The following FAM120A variants were observed in gnomAD, a reference collection of about 807,000 sequenced individuals.
The protein encoded by FAM120A is constitutive coactivator of PPAR-gamma-like protein 1.
Under a neutral mutation model 109.7 loss-of-function variants are expected in FAM120A, and 15 were observed. The ratio of observed to expected loss-of-function variants is 0.14; its 90% CI spans 0.09 to 0.21. The LOEUF (loss-of-function observed/expected upper bound fraction) is 0.21, where lower values mean the gene tolerates loss of function less well. FAM120A is among the 10% of genes least tolerant of loss of function. The pLI, the probability that FAM120A is intolerant of heterozygous loss-of-function variation, is 1.00. For synonymous variants in FAM120A, 493 were observed against 572.8 expected (o/e 0.86, Z 1.99); for missense variants, 899 against 1,439.3 (o/e 0.62, Z 6.07).
intron 10 of FAM120A, among the ~76,000 whole-genome samples, chr9:93,537,933 G>A (rs1463000526): frequency 6.6e-6 from 1 of 152,096 alleles, no homozygotes; most frequent in Non-Finnish European, 1.5e-5. Context: ...AGAACTTTGA[G>A]TAGACCTAGC....
At chr9:93,471,852 A>G (rs771966398) in intron 2 of FAM120A, among the ~76,000 whole-genome samples, 1 of 152,250 alleles carries the variant, frequency 6.6e-6, no homozygotes, top group Non-Finnish European at 1.5e-5. Context: ...CTTGTTTCCA[A>G]CACCTACATT....
At chr9:93,528,118 G>A (rs1382853093) in intron 8 of FAM120A, among the ~76,000 whole-genome samples, 1 of 152,094 alleles carries the variant, frequency 6.6e-6, no homozygotes, top group African/African-American at 2.4e-5. Flanking sequence ...TTAAATGATT[G>A]TTCTGCAAAT....
At chr9:93,506,707 C>T (rs1860076251) in intron 5 of FAM120A, among the ~76,000 whole-genome samples, 1 of 152,060 alleles carries the variant, frequency 6.6e-6, no homozygotes, top group South Asian at 2.1e-4. Context: ...AAGCAATTCT[C>T]CTGCCTCAGC....
At chr9:93,548,260 C>G (rs1405125359) in intron 11 of FAM120A, among the ~76,000 whole-genome samples, 1 of 152,094 alleles carries the variant, frequency 6.6e-6, no homozygotes, top group Admixed American at 6.5e-5. Flanking sequence ...CCCGCCACCA[C>G]GCCCGGCTAA....
At chr9:93,497,012 A>G (rs1321665562) in intron 3 of FAM120A, among the ~76,000 whole-genome samples, 1 of 152,162 alleles carries the variant, frequency 6.6e-6, no homozygotes, top group African/African-American at 2.4e-5. Context: ...TTACAGTTTC[A>G]GGGAGTCCTG....
intron 1 of FAM120A, among the ~76,000 whole-genome samples, chr9:93,466,816 A>G (rs1337332201): frequency 6.6e-6 from 1 of 151,996 alleles, no homozygotes; most frequent in Non-Finnish European, 1.5e-5. Flanking sequence ...CTTTTGCATG[A>G]TTATTTGTAG....
intron 7 of FAM120A, among the ~76,000 whole-genome samples, chr9:93,519,132 G>A (rs148138651): frequency 6.6e-6 from 1 of 152,200 alleles, no homozygotes; most frequent in East Asian, 1.9e-4. Context: ...ATTTGCCCTC[G>A]GGACAGTGGG....
chr9:93,551,498 C>T (rs1283289236), intron 12 of FAM120A, among the ~76,000 whole-genome samples: 1 of 151,982 alleles, frequency 6.6e-6, no homozygotes, highest in Admixed American at 6.5e-5. Context: ...TCTTTGCCAT[C>T]AGTTCTTGTT....
rs1172980897 is a variant in FAM120A at position 93,452,588 on chromosome 9, C to T, written c.474+199C>T. 46 of 1,597,770 alleles carry T rather than the reference C, an allele frequency of 2.9e-5. No individual in the cohort carries two copies. The highest frequency in any genetic ancestry group is 3.6e-5 in the Non-Finnish European group (43 of 1,179,182). On this transcript the variant is annotated intron_variant, in intron 1 of 17. Transcript: ENST00000277165. This position sits in a 1 kb window ranked among gnomAD's most constrained non-coding sequence, Gnocchi z 7.0. The stretch of plus-strand genomic sequence containing the variant: ...CAGGCCGCGCGCTGCCCAAGCCCGT[C>T]TCCAGCTGTCCCTGTTCGGGGTCCG...
At chr9:93,487,551 T>G (rs1859117226) in intron 3 of FAM120A, among the ~76,000 whole-genome samples, 1 of 152,208 alleles carries the variant, frequency 6.6e-6, no homozygotes, top group Admixed American at 6.5e-5. Context: ...TGCAATAAGT[T>G]TGCGTCCCAA....
intron 12 of FAM120A, among the ~76,000 whole-genome samples, chr9:93,551,685 A>G (rs1239607260): frequency 6.6e-6 from 1 of 152,154 alleles, no homozygotes; most frequent in Non-Finnish European, 1.5e-5. Context: ...TGCTTAATAA[A>G]TTTCTAGTTT....
At chr9:93,524,119 T>C (rs2131443559) in intron 7 of FAM120A, among the ~76,000 whole-genome samples, 1 of 152,376 alleles carries the variant, frequency 6.6e-6, no homozygotes, top group South Asian at 2.1e-4. Flanking sequence ...GGGGAGCAGA[T>C]AGAAATGAAA....
chr9:93,474,184 G>A (rs1318402358), intron 2 of FAM120A, among the ~76,000 whole-genome samples: 1 of 152,122 alleles, frequency 6.6e-6, no homozygotes, highest in Non-Finnish European at 1.5e-5. Flanking sequence ...TTTTGTTGTT[G>A]TTGTTGTTGT....
intron 1 of FAM120A, among the ~76,000 whole-genome samples, chr9:93,457,192 C>A (rs1445974629): frequency 6.6e-6 from 1 of 152,150 alleles, no homozygotes; most frequent in Non-Finnish European, 1.5e-5. Flanking sequence ...ATGAATAATG[C>A]TTCTATGAGC....
Position 93,534,857 on chromosome 9 carries a change from G to C in FAM120A, c.1909+2528G>C, listed in dbSNP as rs909235880. 2.6e-5 allele frequency among the ~76,000 whole-genome samples: 4 copies of C among 152,206 alleles called. No homozygotes were observed. In the East Asian group the frequency reaches 7.7e-4, roughly 29 times the overall value. On this transcript the variant is annotated intron_variant, in intron 10 of 17. Coordinates refer to ENST00000277165, the MANE Select transcript of FAM120A (RefSeq NM_014612.5). ...TTGTTGGTGAAGGCAGGAAGGATTG[G>C]GGGTAAGGATACCTCAGATTTGGTT...
chr9:93,486,957 A>T (rs79068125), intron 3 of FAM120A, among the ~76,000 whole-genome samples: 15 of 151,770 alleles, frequency 9.9e-5, no homozygotes, highest in South Asian at 4.2e-4. Context: ...GTTATTGTCT[A>T]TTTTTTTATT....
chr9:93,487,470 A>G (rs944969251), intron 3 of FAM120A, among the ~76,000 whole-genome samples: 1 of 152,150 alleles, frequency 6.6e-6, no homozygotes, highest in Non-Finnish European at 1.5e-5. Context: ...CCTGCATTCT[A>G]AGGATTTTTA....
At chr9:93,453,091 C>G (rs958479068) in intron 1 of FAM120A, 9 of 1,054,306 alleles carry the variant, frequency 8.5e-6, no homozygotes, top group Middle Eastern at 4.5e-4. Context: ...ACTTCACGTC[C>G]GTGTGAAAGA....
chr9:93,477,452 T>C (rs1858597023), intron 3 of FAM120A, among the ~76,000 whole-genome samples: 2 of 152,228 alleles, frequency 1.3e-5, no homozygotes, highest in Non-Finnish European at 2.9e-5. Context: ...TTTCTTCTCT[T>C]GTTAGAAATT....
Sources: allele counts gnomAD v4.1 joint callset (sites outside exome capture counted in the v4.1 genomes callset), GRCh38; gene constraint gnomAD v4.1.1; non-coding constraint Gnocchi (gnomAD v3.1); transcripts MANE v1.5; gene names NCBI Gene and HGNC (gene_info 2026-07-23, HGNC 2026-07-21).